PCDH15: variants seen among roughly 807,000 people sequenced by gnomAD.
PCDH15 encodes the protein protocadherin-15.
PCDH15 carries 129 observed loss-of-function variants against 178.5 expected under a neutral mutation model. The observed-to-expected ratio is 0.72, with a 90% CI of 0.63 to 0.84. PCDH15 has a LOEUF of 0.84. PCDH15 is among the 40% of genes least tolerant of loss of function. PCDH15 has a pLI of 0.00. For missense variants in PCDH15, 2,230 were observed against 2,099.9 expected (o/e 1.06, Z -1.21); for synonymous variants, 800 against 732.0 (o/e 1.09, Z -1.50).
chr10:54,740,173 CAAAT>C (rs1944602678), intron 1 of PCDH15, among the ~76,000 whole-genome samples: 1 of 151,776 alleles, frequency 6.6e-6, no homozygotes, highest in Non-Finnish European at 1.5e-5. Context: ...ATAAGGAACT[CAAAT>C]AAGACAATGG....
chr10:55,125,220 C>A (rs1837870223), intron 2 of PCDH15, among the ~76,000 whole-genome samples: 1 of 145,364 alleles, frequency 6.9e-6, no homozygotes, highest in Admixed American at 6.9e-5. Flanking sequence ...CTGTGTTAGG[C>A]AAGGCATGGA....
intron 1 of PCDH15, among the ~76,000 whole-genome samples, chr10:55,250,887 A>G (rs986731471): frequency 2.0e-5 from 3 of 152,076 alleles, no homozygotes; most frequent in African/African-American, 7.2e-5. Flanking sequence ...CTTTCTATAC[A>G]TATCATAAAT....
intron 2 of PCDH15, among the ~76,000 whole-genome samples, chr10:55,392,439 T>C (rs1837817633): frequency 6.6e-6 from 1 of 152,178 alleles, no homozygotes; most frequent in Non-Finnish European, 1.5e-5. Flanking sequence ...CAAATTTCCT[T>C]AGTTTATACC....
At chr10:54,230,971 T>A (rs1369370223) in intron 9 of PCDH15, among the ~76,000 whole-genome samples, 1 of 152,232 alleles carries the variant, frequency 6.6e-6, no homozygotes, top group African/African-American at 2.4e-5. Flanking sequence ...GATATCATTA[T>A]TAATGACAGT....
At position 55,396,870 on chromosome 10, in the gene PCDH15, A is replaced by G. The variant is rs150175562; in HGVS notation, c.-155-230219T>C. On this transcript the variant is annotated intron_variant, in intron 2 of 5. Coordinates refer to the PCDH15 transcript ENST00000613346. ...ATTTCGCCCAATGCAGTATTAGAGA[A>G]AGGTTGGGGTAAGTAATTTCCTCCT... 3.7e-3 allele frequency among the ~76,000 whole-genome samples: 564 copies of G among 152,284 alleles called. 4 individuals carry two copies. The highest frequency in any genetic ancestry group is 0.011 in the African/African-American group (468 of 41,558).
At chr10:54,237,484 GAAAT>G in intron 8 of PCDH15, among the ~76,000 whole-genome samples, 1 of 152,204 alleles carries the variant, frequency 6.6e-6, no homozygotes. Flanking sequence ...TGGTCTATAA[GAAAT>G]AATGTTTAAA....
In PCDH15 at chr10:54,378,842, C is replaced by T. The variant is rs2135024351; in HGVS notation, c.258G>A (p.Leu86=). ...SLKDNVDYWV[L]MDPVKQMLFL... ...AAAGCATTTGCTTAACAGGATCCAT[C>T]AACACCCAGTAATCCACATTATCCT... The change falls in exon 4 of 38, where the codon TTG becomes TTA. Residue 86 remains leucine, a synonymous_variant. Transcript: ENST00000644397. 6.2e-7 allele frequency: 1 copy of T among 1,613,928 alleles called. No individual in the cohort carries two copies.
chr10:55,041,443 G>C (rs576319223), intron 2 of PCDH15, among the ~76,000 whole-genome samples: 21 of 152,210 alleles, frequency 1.4e-4, no homozygotes, highest in Admixed American at 1.3e-3. Flanking sequence ...AACTGAAATT[G>C]CATTGGTTAA....
intron 32 of PCDH15, among the ~76,000 whole-genome samples, 158 bp from the exon 33 acceptor site, chr10:53,820,388 C>A (rs931937203): frequency 6.6e-6 from 1 of 151,054 alleles, no homozygotes; most frequent in African/African-American, 2.5e-5. Flanking sequence ...ACTAGGAATG[C>A]CAGGTCAAAT....
intron 3 of PCDH15, among the ~76,000 whole-genome samples, chr10:54,501,094 G>A (rs2080638615): frequency 6.6e-6 from 1 of 151,966 alleles, no homozygotes; most frequent in Admixed American, 6.6e-5. Flanking sequence ...GTCAGGGGGT[G>A]GGAGGCAAGG....
chr10:54,771,810 C>T (rs547601822), intron 1 of PCDH15, among the ~76,000 whole-genome samples: 2 of 152,224 alleles, frequency 1.3e-5, no homozygotes, highest in East Asian at 3.9e-4. Flanking sequence ...TTTCAAAAGA[C>T]ATCTTTTATT....
intron 6 of PCDH15, among the ~76,000 whole-genome samples, chr10:54,339,971 G>C (rs150186757): frequency 6.6e-6 from 1 of 152,046 alleles, no homozygotes; most frequent in African/African-American, 2.4e-5. Context: ...TTTTAGTTGA[G>C]TCCAATATCT....
intron 2 of PCDH15, among the ~76,000 whole-genome samples, chr10:55,374,362 T>G (rs1432402223): frequency 6.6e-6 from 1 of 152,150 alleles, no homozygotes; most frequent in African/African-American, 2.4e-5. Flanking sequence ...CTACTAAAGC[T>G]GATCTTGCTC....
intron 2 of PCDH15, among the ~76,000 whole-genome samples, chr10:54,537,233 T>G (rs2084675003): frequency 6.6e-6 from 1 of 152,052 alleles, no homozygotes; most frequent in African/African-American, 2.4e-5. Context: ...TCTCCTGACC[T>G]TGTGATCCGC....
In PCDH15 at chr10:54,556,670, A is replaced by C. The variant is rs185453711; in HGVS notation, c.92-28793T>G. On this transcript the variant is annotated intron_variant, in intron 2 of 37. Coordinates refer to ENST00000644397, the MANE Select transcript of PCDH15 (RefSeq NM_001384140.1). The stretch of plus-strand genomic sequence containing the variant: ...AGGGGGTGAATTTTTTTTTTTTTTC[A>C]GTGAGAGCAGGTTAATTAGGAAAGT... 3.1e-4 allele frequency among the ~76,000 whole-genome samples: 35 copies of C among 112,238 alleles called. No individual in the cohort carries two copies. The East Asian group carries it at 9.1e-3, about 29-fold the overall frequency. 73.6% of individuals were successfully genotyped at this position (112,238 alleles called of 152,430 possible).
At chr10:55,355,851 T>C (rs1210787702) in intron 2 of PCDH15, among the ~76,000 whole-genome samples, 2 of 151,948 alleles carry the variant, frequency 1.3e-5, no homozygotes, top group African/African-American at 4.8e-5. Context: ...CAAGAATATA[T>C]ATTTTAAAAA....
intron 13 of PCDH15, among the ~76,000 whole-genome samples, chr10:54,166,648 T>G (rs1044265088): frequency 2.0e-5 from 3 of 152,188 alleles, no homozygotes; most frequent in African/African-American, 7.2e-5. Flanking sequence ...TTTATTTTAC[T>G]CAGATGACTA....
At chr10:54,008,739 C>G (rs560013777) in intron 20 of PCDH15, among the ~76,000 whole-genome samples, 1 of 152,148 alleles carries the variant, frequency 6.6e-6, no homozygotes, top group South Asian at 2.1e-4. Flanking sequence ...TCTTCTTTGT[C>G]CAAAATCATC....
chr10:53,970,382 G>A (rs369120049), intron 21 of PCDH15, among the ~76,000 whole-genome samples: 20 of 152,226 alleles, frequency 1.3e-4, no homozygotes, highest in East Asian at 9.7e-4. Context: ...GACCTACAAA[G>A]AGACTTAGAC....
Sources: gnomAD v4.1 joint callset for allele counts (sites outside exome capture counted in the v4.1 genomes callset) on GRCh38, gnomAD v4.1.1 for gene constraint, MANE v1.5 for transcripts, NCBI Gene and HGNC (gene_info 2026-07-23, HGNC 2026-07-21) for gene names.